Variants in C1orf21 observed in about 807,000 individuals in gnomAD.
The protein encoded by C1orf21 is uncharacterized protein C1orf21.
A neutral mutation model predicts 18.7 loss-of-function variants in C1orf21; 3 were observed. The ratio of observed to expected loss-of-function variants is 0.16; its 90% CI spans 0.07 to 0.42. The LOEUF is 0.42. Among genes scored for constraint, C1orf21 ranks in the 10% least tolerant of loss-of-function variants. The pLI, the probability that C1orf21 is intolerant of heterozygous loss-of-function variation, is 0.99. For synonymous variants in C1orf21, 41 were observed against 46.4 expected (o/e 0.88, Z 0.47); for missense variants, 104 against 143.6 (o/e 0.72, Z 1.41).
At chr1:184,421,846 A>G (rs934147452) in intron 1 of C1orf21, among the ~76,000 whole-genome samples, 6 of 152,058 alleles carry the variant, frequency 3.9e-5, no homozygotes, top group Non-Finnish European at 7.3e-5. Context: ...GGTAATTAGT[A>G]TAACAAATAT....
rs140031005 is a variant in C1orf21, at chr1:184,543,067, A to C, written c.189+35385A>C. Among the ~76,000 whole-genome samples the C allele has an allele frequency of 4.5e-3, 692 of 152,270 alleles. 8 individuals are homozygous for C. The highest frequency in any genetic ancestry group is 0.016 in the African/African-American group (658 of 41,542). On this transcript the variant is annotated intron_variant, in intron 3 of 5. Coordinates refer to ENST00000235307, the MANE Select transcript of C1orf21 (RefSeq NM_030806.4). ...CCTTGCTGTGGGAACCAACACTTTAATTTCCTTTCCTCTGGCTCAACGCCT... is the reference window on the plus strand; with the variant it reads ...CCTTGCTGTGGGAACCAACACTTTACTTTCCTTTCCTCTGGCTCAACGCCT...
At chr1:184,476,608 G>T (rs1301874746) in intron 1 of C1orf21, among the ~76,000 whole-genome samples, 1 of 152,180 alleles carries the variant, frequency 6.6e-6, no homozygotes, top group Non-Finnish European at 1.5e-5. Flanking sequence ...CTTTTGCAGT[G>T]TATCTGTAAA....
intron 1 of C1orf21, among the ~76,000 whole-genome samples, chr1:184,417,360 C>A (rs777174153): frequency 2.0e-5 from 3 of 152,178 alleles, no homozygotes; most frequent in African/African-American, 4.8e-5. Context: ...ACCCCTCCCC[C>A]AAAGACATCC....
intron 1 of C1orf21, among the ~76,000 whole-genome samples, chr1:184,422,928 A>T (rs1399998458): frequency 6.6e-6 from 1 of 152,236 alleles, no homozygotes; most frequent in Non-Finnish European, 1.5e-5. Context: ...CTGCAGGGAA[A>T]GCAGTCCTGT....
rs59900760 is a variant in C1orf21, at chr1:184,623,877, A to C, written c.*4321A>C. The C allele has an allele frequency of 6.6e-6, 1 of 152,600 alleles. No individual in the cohort carries two copies. Among genetic ancestry groups the C allele is most frequent in the African/African-American group, 2.4e-5 (1 of 41,448 alleles). The allele number at this position is 152,600 out of a possible 1,614,324, so 9.5% of individuals were successfully genotyped here. A position where few individuals can be genotyped will look rare whatever the true frequency, so the allele number is the denominator to read the frequency against. On this transcript the variant is annotated 3_prime_UTR_variant, in exon 6 of 6. Coordinates refer to ENST00000235307, the MANE Select transcript of C1orf21 (RefSeq NM_030806.4). ...AACCTTAGGACTCACAAGCTATGCCATGTTTTTCAGGAGACTCTTGTACCT... is the reference window on the plus strand; with the variant it reads ...AACCTTAGGACTCACAAGCTATGCCCTGTTTTTCAGGAGACTCTTGTACCT...
At chr1:184,428,312 G>A (rs950362894) in intron 1 of C1orf21, among the ~76,000 whole-genome samples, 2 of 152,170 alleles carry the variant, frequency 1.3e-5, no homozygotes, top group Non-Finnish European at 2.9e-5. Context: ...AAACAAATGT[G>A]CTGCATGGAA....
In C1orf21 at chr1:184,495,220, C is replaced by T. The variant is rs191403650; in HGVS notation, c.95-12368C>T. Among the ~76,000 whole-genome samples, 309 of 152,284 alleles carry T rather than the reference C, an allele frequency of 2.0e-3. 2 individuals carry two copies. The highest frequency in any genetic ancestry group is 7.0e-3 in the African/African-American group (291 of 41,566). ...TTTCACCTGGCTCTTGCCTTCCCCC[C>T]GCAACATAGACTCTCATCCCTACAC... On this transcript the variant is annotated intron_variant, in intron 2 of 5. Transcript: ENST00000235307.
chr1:184,420,915 A>C (rs772396107), intron 1 of C1orf21, among the ~76,000 whole-genome samples: 2 of 152,098 alleles, frequency 1.3e-5, no homozygotes, highest in Non-Finnish European at 2.9e-5. Flanking sequence ...TTTTTGGATC[A>C]TCTTGATCTT....
At chr1:184,457,888 A>G (rs1240320278) in intron 1 of C1orf21, among the ~76,000 whole-genome samples, 1 of 152,202 alleles carries the variant, frequency 6.6e-6, no homozygotes, top group African/African-American at 2.4e-5. Flanking sequence ...GTATTCGCTT[A>G]TTTATAAGGA....
chr1:184,563,498 T>G (rs941497799), intron 3 of C1orf21, among the ~76,000 whole-genome samples: 1 of 152,188 alleles, frequency 6.6e-6, no homozygotes, highest in Non-Finnish European at 1.5e-5. Flanking sequence ...TTAAAATTGT[T>G]CAACAGCTCC....
intron 1 of C1orf21, among the ~76,000 whole-genome samples, chr1:184,470,336 T>C (rs113143089): frequency 2.6e-5 from 4 of 152,174 alleles, no homozygotes; most frequent in African/African-American, 9.6e-5. Context: ...TCAAAGCATT[T>C]TCTTATCTAC....
At chr1:184,460,633 TC>T (rs1262632520) in intron 1 of C1orf21, among the ~76,000 whole-genome samples, 26 of 73,732 alleles carry the variant, frequency 3.5e-4, no homozygotes, top group Non-Finnish European at 8.1e-4. Context: ...TTCTTCTTCT[TC>T]TTCTTCTTCT....
intron 1 of C1orf21, among the ~76,000 whole-genome samples, chr1:184,459,949 T>G (rs1015103659): frequency 1.3e-5 from 2 of 152,190 alleles, no homozygotes; most frequent in Admixed American, 6.5e-5. Flanking sequence ...TCCAGTCTCC[T>G]CAGCCTCCCA....
At chr1:184,587,193 G>A (rs1392758046) in intron 3 of C1orf21, among the ~76,000 whole-genome samples, 2 of 149,542 alleles carry the variant, frequency 1.3e-5, no homozygotes, top group African/African-American at 4.9e-5. Context: ...TAGTCCTGTA[G>A]CATAAAGTCA....
intron 2 of C1orf21, among the ~76,000 whole-genome samples, chr1:184,498,228 C>T (rs547379954): frequency 2.6e-5 from 4 of 152,284 alleles, no homozygotes; most frequent in Admixed American, 2.6e-4. Flanking sequence ...TGCTCAAAGG[C>T]TAATGCTTTA....
chr1:184,483,009 A>G (rs1657679791), intron 2 of C1orf21, among the ~76,000 whole-genome samples: 1 of 152,240 alleles, frequency 6.6e-6, no homozygotes, highest in South Asian at 2.1e-4. Flanking sequence ...ATCATTGACA[A>G]GGAACTTCAC....
intron 3 of C1orf21, among the ~76,000 whole-genome samples, chr1:184,584,433 A>G (rs1659326221): frequency 6.6e-6 from 1 of 152,156 alleles, no homozygotes; most frequent in Non-Finnish European, 1.5e-5. Flanking sequence ...TTGGTGGTGC[A>G]GATGTGGAGA....
At chr1:184,580,642 C>G (rs889032941) in intron 3 of C1orf21, among the ~76,000 whole-genome samples, 2 of 152,212 alleles carry the variant, frequency 1.3e-5, no homozygotes, top group Non-Finnish European at 2.9e-5. Context: ...GACGTTGTCC[C>G]CATAAACTTT....
chr1:184,583,909 T>C (rs1287660173), intron 3 of C1orf21, among the ~76,000 whole-genome samples: 2 of 152,224 alleles, frequency 1.3e-5, no homozygotes, highest in Non-Finnish European at 2.9e-5. Flanking sequence ...AATAGTTTTT[T>C]CTTGCTAAAA....
Sources: gnomAD v4.1 joint callset for allele counts (sites outside exome capture counted in the v4.1 genomes callset) on GRCh38, gnomAD v4.1.1 for gene constraint, MANE v1.5 for transcripts, NCBI Gene and HGNC (gene_info 2026-07-23, HGNC 2026-07-21) for gene names.